SNX8: variants seen among roughly 807,000 people sequenced by gnomAD.
SNX8 encodes sorting nexin 8, also known as sorting nexin-8.
Under a neutral mutation model 51.6 loss-of-function variants are expected in SNX8, and 25 were observed. The ratio of observed to expected loss-of-function variants is 0.48; its 90% confidence interval spans 0.35 to 0.68. The LOEUF is 0.68. SNX8 is among the 30% of genes least tolerant of loss of function. The pLI is 0.00. For synonymous variants in SNX8, 324 were observed against 277.0 expected, an observed-to-expected ratio of 1.17 and a Z score of -1.68; for missense variants, 695 against 624.0, an observed-to-expected ratio of 1.11 and a Z score of -1.21.
At chr7:2,315,913 C>G (rs1190940725), upstream of SNX8, among the ~76,000 whole-genome samples, 4 of 149,440 alleles carry the variant, frequency 2.7e-5, no homozygotes, top group African/African-American at 9.9e-5. Context: ...CATTCATCCA[C>G]CCACTCACTC....
At chr7:2,268,200 T>C (rs1795529990) in intron 5 of SNX8, among the ~76,000 whole-genome samples, 1 of 133,666 alleles carries the variant, frequency 7.5e-6, no homozygotes, top group South Asian at 2.6e-4. Flanking sequence ...AGCCGCCCCA[T>C]CTGGGATGTG....
intron 1 of SNX8, among the ~76,000 whole-genome samples, chr7:2,312,550 G>T (rs962745394): frequency 2.6e-5 from 4 of 152,096 alleles, no homozygotes; most frequent in Non-Finnish European, 5.9e-5. Context: ...AAAAATAACT[G>T]AAGACCCATT....
chr7:2,283,638 G>A lies in SNX8; in HGVS notation c.95-5333C>T, dbSNP rs190439570. On this transcript the variant is annotated intron_variant, in intron 1 of 10. Transcript: ENST00000222990. ...CCAGCTGCCAGTTCCCTAGAACGGAGGGGAGATCAGGACCAGCAAGGATGG... is the reference window on the plus strand; with the variant it reads ...CCAGCTGCCAGTTCCCTAGAACGGAAGGGAGATCAGGACCAGCAAGGATGG... 6.0e-3 allele frequency among the ~76,000 whole-genome samples: 909 copies of A among 152,346 alleles called. 34 individuals carry two copies. The highest frequency in any genetic ancestry group is 0.054 in the Admixed American group (832 of 15,300).
chr7:2,281,899 C>A (rs1474855720), intron 1 of SNX8, among the ~76,000 whole-genome samples: 2 of 152,134 alleles, frequency 1.3e-5, no homozygotes, highest in African/African-American at 4.8e-5. Context: ...ACTACAGCAA[C>A]CCCCCACAGG....
At chr7:2,305,108 A>T (rs1192515918) in intron 1 of SNX8, among the ~76,000 whole-genome samples, 1 of 152,036 alleles carries the variant, frequency 6.6e-6, no homozygotes, top group East Asian at 1.9e-4. Context: ...AGCTGGACTC[A>T]ACAGAGCACC....
chr7:2,296,212 G>C (rs1337497588), intron 1 of SNX8, among the ~76,000 whole-genome samples: 1 of 151,090 alleles, frequency 6.6e-6, no homozygotes, highest in African/African-American at 2.5e-5. Flanking sequence ...CCTGAGCACG[G>C]GATGTTTTTC....
At chr7:2,351,724 G>A (rs181643793) in intron 1 of SNX8, among the ~76,000 whole-genome samples, 7,740 of 151,212 alleles carry the variant, frequency 0.051, 625 homozygotes, top group African/African-American at 0.17. Flanking sequence ...CCAGCTACTC[G>A]GGAGGCTGAG....
Position 2,349,636 on chromosome 7 carries a change from C to T in SNX8, c.-66+4586G>A, listed in dbSNP as rs111249378. ...ATTTTTTGTAAAGATGAGATTTCACCATGTTGTCTAGGCTGATGTTGAACT... is the reference window on the plus strand; with the variant it reads ...ATTTTTTGTAAAGATGAGATTTCACTATGTTGTCTAGGCTGATGTTGAACT... On this transcript the variant is annotated intron_variant, in intron 1 of 5. Transcript: ENST00000435336. 4.6e-3 allele frequency among the ~76,000 whole-genome samples: 701 copies of T among 151,850 alleles called. 3 individuals carry two copies. The highest frequency in any genetic ancestry group is 0.012 in the African/African-American group (512 of 41,416).
chr7:2,262,722 GC>G (rs34793135), intron 7 of SNX8, among the ~76,000 whole-genome samples: 2,425 of 152,272 alleles, frequency 0.016, 23 homozygotes, highest in Non-Finnish European at 0.024. Flanking sequence ...TTTGTCGCTG[GC>G]AACCCCCTCT....
chr7:2,311,694 T>C (rs1796660058), intron 1 of SNX8, among the ~76,000 whole-genome samples: 3 of 151,960 alleles, frequency 2.0e-5, no homozygotes, highest in African/African-American at 4.8e-5. Flanking sequence ...TCCCAGCACT[T>C]TGGGAGGCCG....
intron 6 of SNX8, among the ~76,000 whole-genome samples, chr7:2,263,869 C>T (rs1383384469): frequency 1.3e-5 from 2 of 152,164 alleles, no homozygotes; most frequent in Non-Finnish European, 2.9e-5. Flanking sequence ...CCCGCCACCA[C>T]GCCCAGAGAA....
intron 7 of SNX8, among the ~76,000 whole-genome samples, chr7:2,260,636 A>G (rs1167663737): frequency 1.3e-5 from 2 of 152,170 alleles, no homozygotes; most frequent in African/African-American, 4.8e-5. Flanking sequence ...AAGTACAAGC[A>G]GACTTAGGAA....
In SNX8 at chr7:2,269,409, C is replaced by T. The variant is rs912953187; in HGVS notation, c.621+150G>A. 1.2e-5 allele frequency: 5 copies of T among 413,952 alleles called. No homozygotes were observed. The Admixed American group carries it at 1.2e-4, about 10-fold the overall frequency. 25.6% of individuals were successfully genotyped at this position (413,952 alleles called of 1,614,324 possible). On this transcript the variant is annotated intron_variant, in intron 5 of 10. Transcript: ENST00000222990. Reference sequence around the variant, plus strand: ...CGCAGGGTCCTCTGCCTAGGAAAACCAGAGACCTTTGTTCACTTGTTTATC... The same window carrying T: ...CGCAGGGTCCTCTGCCTAGGAAAACTAGAGACCTTTGTTCACTTGTTTATC...
intron 1 of SNX8, among the ~76,000 whole-genome samples, chr7:2,350,673 G>A (rs187210526): frequency 1.7e-4 from 26 of 151,986 alleles, no homozygotes; most frequent in South Asian, 2.1e-4. Context: ...TTGACACAGA[G>A]TCTCACTCTG....
chr7:2,349,212 A>AC (rs1779093123), intron 1 of SNX8, among the ~76,000 whole-genome samples: 1 of 150,716 alleles, frequency 6.6e-6, no homozygotes, highest in South Asian at 2.1e-4. Flanking sequence ...TCAAAAACAA[A>AC]AAAAAAAAAA....
chr7:2,274,206 C>CGG (rs1356436865), intron 3 of SNX8, among the ~76,000 whole-genome samples: 1 of 152,222 alleles, frequency 6.6e-6, no homozygotes, highest in Non-Finnish European at 1.5e-5. Context: ...CCTTCACATG[C>CGG]GGCGGGGTGA....
At chr7:2,287,536 G>A (rs559559095) in intron 1 of SNX8, among the ~76,000 whole-genome samples, 23 of 151,600 alleles carry the variant, frequency 1.5e-4, no homozygotes, top group African/African-American at 4.8e-4. Context: ...CCGAGATCAC[G>A]CCATTGCACT....
In SNX8 at chr7:2,257,523, C is replaced by A. The variant is rs746235799; in HGVS notation, c.985-9G>T. On this transcript the variant is annotated splice_polypyrimidine_tract_variant and intron_variant, in intron 8 of 10. Coordinates refer to ENST00000222990, the MANE Select transcript of SNX8 (RefSeq NM_013321.4). ...TGCCGCTCGCACAGGTCCTGCGGGGCCGGGGGAGGCATTCGCCCGCTGTCT... is the reference window on the plus strand; with the variant it reads ...TGCCGCTCGCACAGGTCCTGCGGGGACGGGGGAGGCATTCGCCCGCTGTCT... The A allele has an allele frequency of 2.0e-5, 32 of 1,600,180 alleles. No individual in the cohort carries two copies. The South Asian group carries it at 3.0e-4, about 15-fold the overall frequency.
At chr7:2,319,640 C>T (rs1224852993) in intron 1 of SNX8, among the ~76,000 whole-genome samples, 2 of 152,172 alleles carry the variant, frequency 1.3e-5, no homozygotes, top group Non-Finnish European at 2.9e-5. Context: ...ACGGTGAAAC[C>T]CCGTCTCTAC....
Sources: gnomAD v4.1 joint callset for allele counts (sites outside exome capture counted in the v4.1 genomes callset) on GRCh38, gnomAD v4.1.1 for gene constraint, MANE v1.5 for transcripts, NCBI Gene and HGNC (gene_info 2026-07-23, HGNC 2026-07-21) for gene names.